The following RBFOX1 variants were observed in gnomAD, a reference collection of about 807,000 sequenced individuals.
The protein encoded by RBFOX1 is RNA binding fox-1 homolog 1.
Under a neutral mutation model 57.7 loss-of-function variants are expected in RBFOX1, and 8 were observed. The observed-to-expected ratio is 0.14, with a 90% CI of 0.08 to 0.25. RBFOX1 has a LOEUF of 0.25. Ranked by LOEUF, RBFOX1 falls within the 10% of genes least tolerant of loss-of-function variation. RBFOX1 has a pLI of 1.00. For missense variants in RBFOX1, 611 were observed against 548.5 expected (o/e 1.11, Z -1.14); for synonymous variants, 326 against 222.4 (o/e 1.47, Z -4.15).
At chr16:6,266,026 T>C (rs1019122852) in intron 1 of RBFOX1, among the ~76,000 whole-genome samples, 1 of 152,196 alleles carries the variant, frequency 6.6e-6, no homozygotes, top group African/African-American at 2.4e-5. Flanking sequence ...AGGAGGATTT[T>C]TACATCCCCA....
At chr16:5,487,318 T>C (rs777174629) in intron 2 of RBFOX1, among the ~76,000 whole-genome samples, 1 of 152,206 alleles carries the variant, frequency 6.6e-6, no homozygotes, top group African/African-American at 2.4e-5. Flanking sequence ...GGGTCTGTGA[T>C]GGAGCAGATG....
At chr16:5,451,040 C>T (rs1009309225) in intron 1 of RBFOX1, among the ~76,000 whole-genome samples, 23 of 152,308 alleles carry the variant, frequency 1.5e-4, no homozygotes, top group African/African-American at 5.1e-4. Flanking sequence ...TGGCCAGTGC[C>T]TGGTACAGAG....
chr16:5,717,800 A>G (rs1281943482), intron 3 of RBFOX1, among the ~76,000 whole-genome samples: 1 of 152,200 alleles, frequency 6.6e-6, no homozygotes, highest in African/African-American at 2.4e-5. Flanking sequence ...GCCTCCCATG[A>G]TCAGCGATTT....
chr16:7,545,259 AC>A (rs1666614566), intron 5 of RBFOX1, among the ~76,000 whole-genome samples: 1 of 152,036 alleles, frequency 6.6e-6, no homozygotes, highest in Non-Finnish European at 1.5e-5. Context: ...CTTTCCTGAA[AC>A]AGCAGTTTTC....
intron 13 of RBFOX1, among the ~76,000 whole-genome samples, chr16:7,667,221 T>G (rs2145832446): frequency 6.6e-6 from 1 of 152,300 alleles, no homozygotes; most frequent in South Asian, 2.1e-4. Context: ...TGATGATGAC[T>G]TTAACATATT....
In RBFOX1 at chr16:5,812,884, G is replaced by C. The variant is rs111431322; in HGVS notation, c.319-54419G>C. Among the ~76,000 whole-genome samples the C allele has an allele frequency of 7.6e-3, 1,155 of 152,204 alleles. 22 individuals carry two copies. Among genetic ancestry groups the C allele is most frequent in the African/African-American group, 0.027 (1,102 of 41,530 alleles). On this transcript the variant is annotated intron_variant, in intron 3 of 19. Transcript: ENST00000641259. ...TCTTTCAACTTCTGGTTTTCCATGT[G>C]TGTATTTTCTTTGGTGAAGTTTCTG...
Position 6,478,433 on chromosome 16 carries a change from T to A in RBFOX1, c.-64+161376T>A, listed in dbSNP as rs896697390. ...TATATATATATATATATATATATTT[T>A]TTTTTTTTTTTTTTGTATTTTTAGT... On this transcript the variant is annotated intron_variant, in intron 2 of 15. Coordinates refer to ENST00000550418, the MANE Select transcript of RBFOX1 (RefSeq NM_018723.4). 3.9e-3 allele frequency among the ~76,000 whole-genome samples: 251 copies of A among 63,546 alleles called. 2 individuals are homozygous for A. Among genetic ancestry groups the A allele is most frequent in the African/African-American group, 0.021 (219 of 10,200 alleles). The allele number at this position is 63,546 out of a possible 152,430, so 41.7% of individuals were successfully genotyped here.
intron 11 of RBFOX1, among the ~76,000 whole-genome samples, chr16:7,637,983 A>C (rs1157496003): frequency 6.6e-6 from 1 of 152,226 alleles, no homozygotes; most frequent in African/African-American, 2.4e-5. Flanking sequence ...CATATGGCTT[A>C]ATCCAGCACT....
intron 4 of RBFOX1, among the ~76,000 whole-genome samples, chr16:5,876,986 G>C (rs1434444339): frequency 1.3e-5 from 2 of 152,208 alleles, no homozygotes; most frequent in East Asian, 3.9e-4. Flanking sequence ...AATCAGTCTA[G>C]AACGTGGTGA....
chr16:6,081,432 T>G (rs1265365675), intron 1 of RBFOX1, among the ~76,000 whole-genome samples: 2 of 152,142 alleles, frequency 1.3e-5, no homozygotes, highest in Non-Finnish European at 2.9e-5. Flanking sequence ...TTTGAGACAT[T>G]TTTACACTAG....
chr16:7,484,819 T>C (rs1399201956), intron 4 of RBFOX1, among the ~76,000 whole-genome samples: 3 of 152,204 alleles, frequency 2.0e-5, no homozygotes, highest in Non-Finnish European at 1.5e-5. Flanking sequence ...TGTATCTAAC[T>C]AGCATGGATA....
At chr16:7,353,677 G>A (rs969032613) in intron 4 of RBFOX1, among the ~76,000 whole-genome samples, 6 of 152,180 alleles carry the variant, frequency 3.9e-5, no homozygotes, top group African/African-American at 7.2e-5. Context: ...CCTTGAGAAT[G>A]TTGTACTAAG....
intron 3 of RBFOX1, among the ~76,000 whole-genome samples, chr16:7,003,456 C>G (rs1258333893): frequency 2.9e-5 from 3 of 102,800 alleles, no homozygotes; most frequent in African/African-American, 5.9e-5. Context: ...GAGACTCCAT[C>G]TTAAAAAAAA....
chr16:6,606,887 T>C (rs2097939042), intron 2 of RBFOX1, among the ~76,000 whole-genome samples: 1 of 152,174 alleles, frequency 6.6e-6, no homozygotes, highest in Admixed American at 6.5e-5. Flanking sequence ...ATAGGATTGC[T>C]GGGTCAAATG....
rs2097659714 is a variant in RBFOX1, at chr16:6,256,128, TA to T, written c.-126-60866del. ...ATAGCAGTCTCTTATCTGTAACAAA[TA>T]TATATATATGTGTGTATATATATAT... On this transcript the variant is annotated intron_variant, in intron 1 of 15. Coordinates refer to ENST00000550418, the MANE Select transcript of RBFOX1 (RefSeq NM_018723.4). Among the ~76,000 whole-genome samples, 2 of 36,102 alleles carry T rather than the reference TA, an allele frequency of 5.5e-5. 1 individual carries two copies. The highest frequency in any genetic ancestry group is 3.1e-3 in the South Asian group (2 of 646). The allele number at this position is 36,102 out of a possible 152,430, so 23.7% of individuals were successfully genotyped here.
At chr16:5,506,442 A>G (rs11861667) in intron 2 of RBFOX1, among the ~76,000 whole-genome samples, 15,808 of 152,170 alleles carry the variant, frequency 0.1, 2,752 homozygotes, top group African/African-American at 0.36. Context: ...AAGTTCAGGT[A>G]CGTGAACCCA....
chr16:5,903,494 A>G (rs2058361802), intron 4 of RBFOX1, among the ~76,000 whole-genome samples: 1 of 152,144 alleles, frequency 6.6e-6, no homozygotes, highest in Non-Finnish European at 1.5e-5. Context: ...TGGTCCATAA[A>G]ACAACTTAAG....
intron 3 of RBFOX1, among the ~76,000 whole-genome samples, chr16:6,870,649 A>G (rs1217230919): frequency 6.6e-6 from 1 of 152,232 alleles, no homozygotes; most frequent in East Asian, 1.9e-4. Flanking sequence ...AACAAAACAA[A>G]CGATGATGGG....
intron 3 of RBFOX1, among the ~76,000 whole-genome samples, chr16:5,608,089 A>G (rs1237427019): frequency 6.6e-6 from 1 of 152,218 alleles, no homozygotes; most frequent in Non-Finnish European, 1.5e-5. Context: ...CTACTGTCCA[A>G]AAGTTGCCCA....
Sources: gnomAD v4.1 joint callset for allele counts (sites outside exome capture counted in the v4.1 genomes callset) on GRCh38, gnomAD v4.1.1 for gene constraint, MANE v1.5 for transcripts, NCBI Gene and HGNC (gene_info 2026-07-23, HGNC 2026-07-21) for gene names.